CCDC192: variants seen among roughly 807,000 people sequenced by gnomAD.
CCDC192 encodes the protein coiled-coil domain containing 192.
chr5:127,897,038 TTTC>T (rs1158740942), intron 6 of CCDC192, among the ~76,000 whole-genome samples: 3 of 151,534 alleles, frequency 2.0e-5, no homozygotes, highest in African/African-American at 7.3e-5. Context: ...AACTTTTGTA[TTTC>T]TTCTCTAATG....
chr5:127,723,293 TG>T (rs1337048055), intron 2 of CCDC192, among the ~76,000 whole-genome samples: 2 of 152,302 alleles, frequency 1.3e-5, no homozygotes, highest in African/African-American at 4.8e-5. Context: ...TACTGATTTT[TG>T]TATGTTGATT....
At chr5:127,713,927 A>G (rs947128335) in intron 2 of CCDC192, among the ~76,000 whole-genome samples, 1 of 152,222 alleles carries the variant, frequency 6.6e-6, no homozygotes, top group Non-Finnish European at 1.5e-5. Context: ...TCTGCTTTGC[A>G]GTGGAACACT....
chr5:127,849,704 G>T (rs1211129080), intron 5 of CCDC192, among the ~76,000 whole-genome samples: 2 of 152,308 alleles, frequency 1.3e-5, no homozygotes, highest in African/African-American at 4.8e-5. Flanking sequence ...GGTGGAGAGA[G>T]ATACAAGACC....
At chr5:127,754,814 A>T (rs1253944368) in intron 3 of CCDC192, among the ~76,000 whole-genome samples, 1 of 152,154 alleles carries the variant, frequency 6.6e-6, no homozygotes, top group Non-Finnish European at 1.5e-5. Flanking sequence ...CTTGGAAGAG[A>T]GTTTTTCAAA....
intron 3 of CCDC192, among the ~76,000 whole-genome samples, chr5:127,780,033 T>C (rs1756104447): frequency 1.3e-5 from 2 of 152,162 alleles, no homozygotes; most frequent in African/African-American, 4.8e-5. Flanking sequence ...GCCTCCAATC[T>C]CATCCAGGTT....
intron 5 of CCDC192, among the ~76,000 whole-genome samples, chr5:127,821,967 G>C (rs906464018): frequency 6.6e-6 from 1 of 152,170 alleles, no homozygotes; most frequent in Non-Finnish European, 1.5e-5. Context: ...ACAATAAAGG[G>C]AAGATTTAAA....
intron 2 of CCDC192, among the ~76,000 whole-genome samples, chr5:127,737,752 C>A (rs1170369624): frequency 6.6e-6 from 1 of 151,436 alleles, no homozygotes; most frequent in Non-Finnish European, 1.5e-5. Flanking sequence ...AGGTTTGCAA[C>A]CCCTGCCTTT....
intron 6 of CCDC192, among the ~76,000 whole-genome samples, chr5:127,917,623 G>A (rs995993081): frequency 2.0e-5 from 3 of 152,114 alleles, no homozygotes; most frequent in Non-Finnish European, 4.4e-5. Flanking sequence ...TGGGGAAATC[G>A]TCAGTAAGTG....
At chr5:127,783,471 G>A (rs1189674700) in intron 3 of CCDC192, among the ~76,000 whole-genome samples, 1 of 152,160 alleles carries the variant, frequency 6.6e-6, no homozygotes, top group African/African-American at 2.4e-5. Context: ...TTATTCCACT[G>A]TGGTCTGAGA....
At chr5:127,741,071 T>C (rs1753388250) in intron 2 of CCDC192, among the ~76,000 whole-genome samples, 1 of 152,060 alleles carries the variant, frequency 6.6e-6, no homozygotes. Flanking sequence ...GTTGTCGTCA[T>C]TGTTGTTGAG....
At chr5:127,883,047 C>T (rs955351282) in intron 6 of CCDC192, among the ~76,000 whole-genome samples, 1 of 152,198 alleles carries the variant, frequency 6.6e-6, no homozygotes, top group African/African-American at 2.4e-5. Flanking sequence ...GATGCTGGGA[C>T]TTCGTCAAAA....
At chr5:127,812,178 C>T (rs1758119627) in intron 5 of CCDC192, among the ~76,000 whole-genome samples, 1 of 152,148 alleles carries the variant, frequency 6.6e-6, no homozygotes, top group Non-Finnish European at 1.5e-5. Context: ...ACAACACAAT[C>T]AATTTTATGT....
chr5:127,734,361 A>C (rs1388762826), intron 2 of CCDC192, among the ~76,000 whole-genome samples: 1 of 151,896 alleles, frequency 6.6e-6, no homozygotes, highest in Non-Finnish European at 1.5e-5. Context: ...AGTCTTTGCT[A>C]TTGGGAATAA....
chr5:127,903,220 G>A (rs559662250), intron 6 of CCDC192, among the ~76,000 whole-genome samples: 1 of 151,606 alleles, frequency 6.6e-6, no homozygotes, highest in South Asian at 2.1e-4. Flanking sequence ...CCTAAGTTCT[G>A]TAATTCATTC....
At chr5:127,744,010 C>T (rs550542939) in intron 2 of CCDC192, among the ~76,000 whole-genome samples, 2 of 147,998 alleles carry the variant, frequency 1.4e-5, no homozygotes, top group East Asian at 4.0e-4. Context: ...AGGAGAATGG[C>T]ATGAACCCAG....
intron 2 of CCDC192, among the ~76,000 whole-genome samples, chr5:127,736,380 C>G (rs1321935817): frequency 6.6e-6 from 1 of 150,414 alleles, no homozygotes; most frequent in Admixed American, 6.6e-5. Context: ...GGATATTGGT[C>G]TAAAATTCTC....
chr5:127,751,379 A>T (rs1754158536), intron 2 of CCDC192, among the ~76,000 whole-genome samples: 1 of 151,750 alleles, frequency 6.6e-6, no homozygotes, highest in African/African-American at 2.4e-5. Flanking sequence ...CATGAAGCTT[A>T]GTTTGGCTGG....
rs372724176 is a variant in CCDC192, at chr5:127,744,625, T to C, written c.115-9643T>C. Among the ~76,000 whole-genome samples the C allele has an allele frequency of 1.2e-4, 19 of 152,330 alleles. No homozygotes were observed. In the East Asian group the frequency reaches 3.5e-3, roughly 28 times the overall value. ...GCTCTTAAATAAATGCACATGCACATATTTAATACATTAACTGTTCTTAAT... is the reference window on the plus strand; with the variant it reads ...GCTCTTAAATAAATGCACATGCACACATTTAATACATTAACTGTTCTTAAT... On this transcript the variant is annotated intron_variant, in intron 2 of 6. Transcript: ENST00000514853.
chr5:127,917,585 TAGAG>T (rs756123898), intron 6 of CCDC192, among the ~76,000 whole-genome samples: 6 of 152,036 alleles, frequency 3.9e-5, no homozygotes, highest in Admixed American at 6.6e-5. Context: ...TCTTAGGAAA[TAGAG>T]AGGCCAGAGA....
Sources: gnomAD v4.1 joint callset for allele counts (sites outside exome capture counted in the v4.1 genomes callset) on GRCh38, gnomAD v4.1.1 for gene constraint, MANE v1.5 for transcripts, NCBI Gene and HGNC (gene_info 2026-07-23, HGNC 2026-07-21) for gene names.